Variants in GPR21 observed in about 807,000 individuals in gnomAD.
GPR21 encodes probable G protein-coupled receptor 21.
A neutral mutation model predicts 21.5 loss-of-function variants in GPR21; 9 were observed. That is an observed-to-expected ratio of 0.42 (90% CI 0.25 to 0.73). The LOEUF is 0.73. Among genes scored for constraint, GPR21 ranks in the 30% least tolerant of loss-of-function variants. GPR21 has a pLI of 0.27. For synonymous variants in GPR21, 169 were observed against 159.3 expected (o/e 1.06, Z -0.46); for missense variants, 416 against 428.9 (o/e 0.97, Z 0.27).
chr9:123,043,001 A>G, the GPR21 span, among the ~76,000 whole-genome samples: 2 of 152,176 alleles, frequency 1.3e-5, no homozygotes, highest in Non-Finnish European at 2.9e-5. Flanking sequence ...CAATAAAGCT[A>G]GAAGATAATG....
At position 123,035,510 on chromosome 9, in the gene GPR21, TA is replaced by T; in HGVS notation, c.947del (p.Lys316SerfsTer?). 1 of 1,613,778 alleles carries T rather than the reference TA, an allele frequency of 6.2e-7. No homozygotes were observed. The highest frequency in any genetic ancestry group is 8.5e-7 in the Non-Finnish European group (1 of 1,179,668). ...SLSNSVFQRGLKRLSGAMCTS... is the reference protein window; with the variant it reads ...SLSNSVFQRGXKRLSGAMCTS... ...TCCAACAGTGTATTCCAAAGAGGAC[TA>T]AAGCGCCTCTCAGGGGCTATGTGTA... On this transcript the variant is annotated frameshift_variant, in exon 2 of 2. Coordinates refer to ENST00000616002, the MANE Select transcript of GPR21 (RefSeq NM_005294.3). LOFTEE classifies it high-confidence loss of function.
chr9:123,033,696 A>T lies in GPR21; in HGVS notation c.-443A>T, dbSNP rs2032437680. ...TCCTGCTTTGCAAGGCTTTCTGCTA[A>T]GGATGTATTGTGGCTTTTGTTTGGA... On this transcript the variant is annotated 5_prime_UTR_variant, in exon 1 of 2. It adds an upstream start codon to the 5' untranslated region. Transcript: ENST00000616002. 6.6e-6 allele frequency: 1 copy of T among 152,148 alleles called. No individual in the cohort carries two copies. The highest frequency in any genetic ancestry group is 2.4e-5 in the African/African-American group (1 of 41,420). 9.4% of individuals were successfully genotyped at this position (152,148 alleles called of 1,614,324 possible). A position where few individuals can be genotyped will look rare whatever the true frequency, so the allele number is the denominator to read the frequency against.
chr9:123,035,378 A>G lies in GPR21; in HGVS notation c.812A>G (p.Tyr271Cys), dbSNP rs747490088. The change falls in exon 2 of 2, where the codon TAC becomes TGC. Residue 271 changes from tyrosine (Y) to cysteine (C), a missense_variant. Physicochemically the swap from Tyr to Cys is radical, Grantham distance 194. Transcript: ENST00000616002. The stretch of plus-strand genomic sequence containing the variant: ...ATCCTCTGGTTGCCATATATCATCT[A>G]CTTCTTGTTGGAAAGCTCCACTGGC... ...FYILWLPYII[Y>C]FLLESSTGHS... 6.2e-6 allele frequency: 10 copies of G among 1,613,888 alleles called. No individual in the cohort carries two copies. The highest frequency in any genetic ancestry group is 2.2e-5 in the East Asian group (1 of 44,872).
At chr9:123,043,358 G>GT in the GPR21 span, among the ~76,000 whole-genome samples, 1 of 152,078 alleles carries the variant, frequency 6.6e-6, no homozygotes, top group Admixed American at 6.5e-5. Context: ...GCACTAGGAG[G>GT]TATGTCTCTA....
the GPR21 span, among the ~76,000 whole-genome samples, chr9:123,043,715 G>A: frequency 2.0e-5 from 3 of 151,910 alleles, no homozygotes; most frequent in Non-Finnish European, 4.4e-5. Flanking sequence ...GATGTCTAAA[G>A]TGGAAAAACC....
Position 123,035,178 on chromosome 9 carries a change from C to G in GPR21, c.612C>G (p.Ala204=), listed in dbSNP as rs977668582. ...FIVMMLYAPA[A]LIVCFTYFNI... is the part of the protein sequence containing the mutation. ...TGATGATGTTATATGCCCCAGCAGCCCTTATTGTCTGCTTCACCTATTTCA... is the reference window on the plus strand; with the variant it reads ...TGATGATGTTATATGCCCCAGCAGCGCTTATTGTCTGCTTCACCTATTTCA... The change falls in exon 2 of 2, where the codon GCC becomes GCG. Residue 204 remains alanine (A), a synonymous_variant. Transcript: ENST00000616002. 6.2e-7 allele frequency: 1 copy of G among 1,614,088 alleles called. No homozygotes were observed. Among genetic ancestry groups the G allele is most frequent in the Non-Finnish European group, 8.5e-7 (1 of 1,179,986 alleles).
At position 123,034,831 on chromosome 9, in the gene GPR21, C is replaced by T. The variant is rs1329377371; in HGVS notation, c.265C>T (p.Leu89Phe). The T allele has an allele frequency of 1.9e-6, 3 of 1,613,932 alleles. No individual in the cohort carries two copies. Among genetic ancestry groups the T allele is most frequent in the Non-Finnish European group, 2.5e-6 (3 of 1,179,968 alleles). The change falls in exon 2 of 2, where the codon CTC becomes TTC. Residue 89 changes from leucine to phenylalanine, a missense_variant. Coordinates refer to ENST00000616002, the MANE Select transcript of GPR21 (RefSeq NM_005294.3). ...GAGCTGCGTGGTCCCTTCTTTATCA[C>T]TCCTCCATCACCCCCTTCCAGTAGA... ...GVSCVVPSLS[L>F]LHHPLPVEES...
chr9:123,035,479 A>G lies in GPR21; in HGVS notation c.913A>G (p.Ser305Gly), dbSNP rs764771662. Residue 305 changes from serine (S) to glycine (G), a missense_variant, in exon 2 of 2, where the codon AGT becomes GGT. Coordinates refer to ENST00000616002, the MANE Select transcript of GPR21 (RefSeq NM_005294.3). ...SNSFCNCVIY[S>G]LSNSVFQRGL... Reference sequence around the variant, plus strand: ...CAGTTTCTGCAACTGTGTAATTTATAGTCTCTCCAACAGTGTATTCCAAAG... The same window carrying G: ...CAGTTTCTGCAACTGTGTAATTTATGGTCTCTCCAACAGTGTATTCCAAAG... 55 of 1,613,976 alleles carry G rather than the reference A, an allele frequency of 3.4e-5. No individual in the cohort carries two copies. Among genetic ancestry groups the G allele is most frequent in the Admixed American group, 6.7e-5 (4 of 59,990 alleles).
chr9:123,042,134 C>T, the GPR21 span, among the ~76,000 whole-genome samples: 1 of 152,102 alleles, frequency 6.6e-6, no homozygotes, highest in Non-Finnish European at 1.5e-5. Flanking sequence ...AATAATCAGC[C>T]CCCTTACCAC....
chr9:123,042,658 A>G, the GPR21 span, among the ~76,000 whole-genome samples: 1 of 152,198 alleles, frequency 6.6e-6, no homozygotes, highest in East Asian at 1.9e-4. Flanking sequence ...AGGCAGAGAG[A>G]CAGAAAATAG....
the GPR21 span, among the ~76,000 whole-genome samples, chr9:123,046,111 GTT>G: frequency 8.9e-4 from 135 of 152,250 alleles, no homozygotes; most frequent in African/African-American, 2.9e-3. Flanking sequence ...TTCAACTGAT[GTT>G]TTATGTATTT....
At position 123,034,927 on chromosome 9, in the gene GPR21, G is replaced by T; in HGVS notation, c.361G>T (p.Ala121Ser). The T allele has an allele frequency of 6.2e-7, 1 of 1,613,044 alleles. No individual in the cohort carries two copies. ...GAAGAGCGTCTCCATGGCTTCTCTG[G>T]CCTGTATCAGCATTGATAGATACAT... is the stretch of plus-strand genomic sequence containing the variant. ...VLKSVSMASLACISIDRYIAI... is the reference protein window; with the variant it reads ...VLKSVSMASLSCISIDRYIAI... Residue 121 changes from alanine to serine, a missense_variant, in exon 2 of 2, where the codon GCC becomes TCC. By Grantham distance (99) the Ala-to-Ser change is moderately conservative (BLOSUM62 1). Coordinates refer to ENST00000616002, the MANE Select transcript of GPR21 (RefSeq NM_005294.3).
At chr9:123,039,208 C>T (rs1265606168), downstream of GPR21, among the ~76,000 whole-genome samples, 1 of 152,122 alleles carries the variant, frequency 6.6e-6, no homozygotes, top group Non-Finnish European at 1.5e-5. Flanking sequence ...ACTTAGCAAT[C>T]CCAGACTTGA....
rs1410259051 is a variant in GPR21, at chr9:123,035,054, C to A, written c.488C>A (p.Pro163His). The A allele has an allele frequency of 6.2e-7, 1 of 1,613,948 alleles. No individual in the cohort carries two copies. The highest frequency in any genetic ancestry group is 8.5e-7 in the Non-Finnish European group (1 of 1,179,962). The change falls in exon 2 of 2, where the codon CCT becomes CAT. Residue 163 changes from proline (P) to histidine (H), a missense_variant. Transcript: ENST00000616002. ...IWLYSTLVFL[P>H]SFFHWGKPGY... ...CTATACTCGACCCTGGTCTTCCTGC[C>A]TTCCTTTTTCCACTGGGGCAAACCT...
chr9:123,035,360 G>T lies in GPR21; in HGVS notation c.794G>T (p.Trp265Leu), dbSNP rs755876037. The change falls in exon 2 of 2, where the codon TGG becomes TTG. Residue 265 changes from tryptophan to leucine, a missense_variant. Physicochemically the swap from Trp to Leu is moderately conservative, Grantham distance 61 (BLOSUM62 -2). Transcript: ENST00000616002. ...ATCACTAGTGTATTTTACATCCTCT[G>T]GTTGCCATATATCATCTACTTCTTG... Reference protein sequence around the residue: ...FRITSVFYILWLPYIIYFLLE... With the variant: ...FRITSVFYILLLPYIIYFLLE... 2 of 1,613,978 alleles carry T rather than the reference G, an allele frequency of 1.2e-6. No homozygotes were observed. Among genetic ancestry groups the T allele is most frequent in the Non-Finnish European group, 8.5e-7 (1 of 1,180,014 alleles).
At chr9:123,042,268 A>G in the GPR21 span, among the ~76,000 whole-genome samples, 2 of 152,200 alleles carry the variant, frequency 1.3e-5, no homozygotes, top group African/African-American at 2.4e-5. Context: ...ATGCCCATCA[A>G]TCAACACATC....
Position 123,035,635 on chromosome 9 carries a change from T to A in GPR21, c.*19T>A. The A allele has an allele frequency of 2.3e-6, 3 of 1,327,344 alleles. No individual in the cohort carries two copies. Among genetic ancestry groups the A allele is most frequent in the Non-Finnish European group, 3.1e-6 (3 of 960,926 alleles). The allele number at this position is 1,327,344 out of a possible 1,614,324, so 82.2% of individuals were successfully genotyped here. A position where few individuals can be genotyped will look rare whatever the true frequency, so the allele number is the denominator to read the frequency against. On this transcript the variant is annotated 3_prime_UTR_variant, in exon 2 of 2. Coordinates refer to ENST00000616002, the MANE Select transcript of GPR21 (RefSeq NM_005294.3). ...TATCTGAAGTGGCTCAGTTACGGGG[T>A]TCCCGTGTGTGTGTGTGTGTGTGTG...
At chr9:123,047,429 A>G in the GPR21 span, among the ~76,000 whole-genome samples, 2 of 152,190 alleles carry the variant, frequency 1.3e-5, no homozygotes, top group Non-Finnish European at 2.9e-5. Context: ...AAATATAAAA[A>G]GTTTAATTCT....
At chr9:123,039,461 C>T (rs919000137), downstream of GPR21, among the ~76,000 whole-genome samples, 3 of 152,182 alleles carry the variant, frequency 2.0e-5, no homozygotes, top group African/African-American at 7.2e-5. Flanking sequence ...CATGTAGTCA[C>T]ACCAGCCTTC....
Sources: gnomAD v4.1 joint callset for allele counts (sites outside exome capture counted in the v4.1 genomes callset) on GRCh38, gnomAD v4.1.1 for gene constraint, MANE v1.5 for transcripts, NCBI Gene and HGNC (gene_info 2026-07-23, HGNC 2026-07-21) for gene names.